Variants in ANKRD30BL observed in about 807,000 individuals in gnomAD.
ANKRD30BL encodes putative ankyrin repeat domain-containing protein 30B-like.
Under a neutral mutation model 18.4 loss-of-function variants are expected in ANKRD30BL, and 20 were observed. The ratio of observed to expected loss-of-function variants is 1.09; its 90% CI spans 0.77 to 1.58. The LOEUF is 1.58. ANKRD30BL is among the 40% of genes most tolerant of loss of function. The pLI is 0.00. For synonymous variants in ANKRD30BL, 72 were observed against 100.9 expected (o/e 0.71, Z 1.72); for missense variants, 224 against 268.6 (o/e 0.83, Z 1.16).
At chr2:132,251,619 G>T (rs1176787575) in intron 1 of ANKRD30BL, among the ~76,000 whole-genome samples, 1 of 152,162 alleles carries the variant, frequency 6.6e-6, no homozygotes, top group African/African-American at 2.4e-5. Flanking sequence ...CTGTAAAACA[G>T]TCTTTAACAT....
chr2:132,176,485 C>G (rs1054372669), intron 1 of ANKRD30BL, among the ~76,000 whole-genome samples: 3 of 152,106 alleles, frequency 2.0e-5, no homozygotes, highest in African/African-American at 7.2e-5. Context: ...GTGGCACATG[C>G]CTGCAATCCC....
chr2:132,208,131 C>T (rs537694696), intron 1 of ANKRD30BL, among the ~76,000 whole-genome samples: 1 of 152,250 alleles, frequency 6.6e-6, no homozygotes, highest in Admixed American at 6.5e-5. Context: ...ATTCCCTAAA[C>T]AGAATTGTAG....
At chr2:132,217,082 A>C (rs1405802513) in intron 1 of ANKRD30BL, among the ~76,000 whole-genome samples, 1 of 151,780 alleles carries the variant, frequency 6.6e-6, no homozygotes, top group Non-Finnish European at 1.5e-5. Context: ...ATGGTGGAAA[A>C]GGAAATATCT....
At chr2:132,198,259 CTTTCTTTCTTTTCT>C (rs1482991022) in intron 1 of ANKRD30BL, among the ~76,000 whole-genome samples, 15 of 130,710 alleles carry the variant, frequency 1.1e-4, no homozygotes, top group African/African-American at 4.9e-4. Flanking sequence ...ACTATACCTT[CTTTCTTTCTTTTCT>C]TTCTTTCTTT....
intron 1 of ANKRD30BL, among the ~76,000 whole-genome samples, chr2:132,239,438 T>A (rs1680250644): frequency 6.6e-6 from 1 of 151,902 alleles, no homozygotes; most frequent in Non-Finnish European, 1.5e-5. Flanking sequence ...CTTGAATCGC[T>A]TTGAGGTCTA....
chr2:132,222,832 T>TAAAA (rs71001178), intron 1 of ANKRD30BL, among the ~76,000 whole-genome samples: 707 of 52,754 alleles, frequency 0.013, 119 homozygotes, highest in East Asian at 0.031. Context: ...GAATGATCAA[T>TAAAA]AAAAAAAAAA....
chr2:132,198,256 CTTCT>C lies in ANKRD30BL; in HGVS notation n.442-41114_442-41111del, dbSNP rs542446271. ...TTTTCTCTTTCATAATTTACTATAC[CTTCT>C]TTCTTTCTTTTCTTTCTTTCTTTCT... is the stretch of plus-strand genomic sequence containing the variant. On this transcript the variant is annotated intron_variant and non_coding_transcript_variant, in intron 1 of 4. Coordinates refer to the ANKRD30BL transcript ENST00000470729. Among the ~76,000 whole-genome samples the C allele has an allele frequency of 9.3e-3, 1,273 of 136,974 alleles. 17 individuals carry two copies. The highest frequency in any genetic ancestry group is 0.016 in the Non-Finnish European group (1,045 of 65,388). The allele number at this position is 136,974 out of a possible 152,430, so 89.9% of individuals were successfully genotyped here.
At chr2:132,199,263 G>GAC (rs1410660919) in intron 1 of ANKRD30BL, among the ~76,000 whole-genome samples, 1 of 152,068 alleles carries the variant, frequency 6.6e-6, no homozygotes, top group East Asian at 2.0e-4. Context: ...AGGAGGCTGA[G>GAC]ACAAGAGAAT....
At chr2:132,252,074 A>T (rs1680662701) in intron 1 of ANKRD30BL, among the ~76,000 whole-genome samples, 1 of 152,218 alleles carries the variant, frequency 6.6e-6, no homozygotes, top group South Asian at 2.1e-4. Flanking sequence ...CCAACTAGAT[A>T]TTGTGAATAT....
chr2:132,228,288 G>A (rs1679900777), intron 1 of ANKRD30BL, among the ~76,000 whole-genome samples: 2 of 151,766 alleles, frequency 1.3e-5, no homozygotes, highest in African/African-American at 4.8e-5. Context: ...GAAGAATTCG[G>A]AGAAGCTTCT....
At chr2:132,248,879 G>T (rs796101831) in intron 1 of ANKRD30BL, among the ~76,000 whole-genome samples, 1 of 144,614 alleles carries the variant, frequency 6.9e-6, no homozygotes, top group Non-Finnish European at 1.5e-5. Flanking sequence ...TCAAAAGAAT[G>T]GTTCAACTCT....
At chr2:132,242,911 C>T (rs1183391576) in intron 1 of ANKRD30BL, among the ~76,000 whole-genome samples, 2 of 151,676 alleles carry the variant, frequency 1.3e-5, no homozygotes, top group Non-Finnish European at 3.0e-5. Context: ...GAAGCATTCT[C>T]AGAAACTACT....
intron 4 of ANKRD30BL, among the ~76,000 whole-genome samples, chr2:132,151,706 G>A (rs1687762429): frequency 6.6e-6 from 1 of 151,766 alleles, no homozygotes; most frequent in Non-Finnish European, 1.5e-5. Flanking sequence ...TTGGACATTA[G>A]ATGTTCTATT....
chr2:132,182,590 C>T (rs1206612775), intron 1 of ANKRD30BL, among the ~76,000 whole-genome samples: 3 of 151,932 alleles, frequency 2.0e-5, no homozygotes, highest in Non-Finnish European at 2.9e-5. Flanking sequence ...TGAGTTATTG[C>T]ACAATAGGAA....
chr2:132,187,099 G>A, intron 1 of ANKRD30BL, among the ~76,000 whole-genome samples: 1 of 150,028 alleles, frequency 6.7e-6, no homozygotes, highest in Non-Finnish European at 1.5e-5. Flanking sequence ...AAAACAGGCA[G>A]CTAAGATATT....
upstream of ANKRD30BL, among the ~76,000 whole-genome samples, chr2:132,164,466 T>C (rs1028225916): frequency 6.6e-6 from 1 of 151,732 alleles, no homozygotes; most frequent in African/African-American, 2.4e-5. Context: ...AATTTTTGTC[T>C]TTTTAGTAGA....
intron 1 of ANKRD30BL, among the ~76,000 whole-genome samples, chr2:132,196,448 G>GA (rs201383308): frequency 0.095 from 14,281 of 150,268 alleles, 2,189 homozygotes; most frequent in African/African-American, 0.33. Context: ...AGACTCTGGG[G>GA]GAAAAAAAAA....
At chr2:132,221,023 G>T (rs1679660921) in intron 1 of ANKRD30BL, among the ~76,000 whole-genome samples, 1 of 145,864 alleles carries the variant, frequency 6.9e-6, no homozygotes, top group Admixed American at 6.9e-5. Flanking sequence ...CGCCCTGTCT[G>T]GGATGTGAGG....
chr2:132,220,061 A>T (rs1328670194), intron 1 of ANKRD30BL, among the ~76,000 whole-genome samples: 1 of 152,256 alleles, frequency 6.6e-6, no homozygotes, highest in Non-Finnish European at 1.5e-5. Context: ...TTCAACTCAC[A>T]GAGTTGGACA....
Sources: allele counts gnomAD v4.1 joint callset (sites outside exome capture counted in the v4.1 genomes callset), GRCh38; gene constraint gnomAD v4.1.1; transcripts MANE v1.5; gene names NCBI Gene and HGNC (gene_info 2026-07-23, HGNC 2026-07-21).